SIPA1L3: variants seen among roughly 807,000 people sequenced by gnomAD.
SIPA1L3 encodes signal-induced proliferation-associated 1-like protein 3.
SIPA1L3 carries 59 observed loss-of-function variants against 150.1 expected under a neutral mutation model. That is an observed-to-expected ratio of 0.39 (90% confidence interval 0.32 to 0.49). The LOEUF is 0.49. Ranked by LOEUF, SIPA1L3 falls within the 20% of genes least tolerant of loss-of-function variation. The pLI is 0.86. For missense variants in SIPA1L3, 2,211 were observed against 2,489.5 expected (o/e 0.89, Z 2.38); for synonymous variants, 1,070 against 1,077.6 (o/e 0.99, Z 0.14).
Position 37,986,535 on chromosome 19 carries a change from CTG to C in SIPA1L3, c.-378-42553_-378-42552del, listed in dbSNP as rs528073166. 1.7e-3 allele frequency among the ~76,000 whole-genome samples: 257 copies of C among 152,320 alleles called. 1 individual carries two copies. Among genetic ancestry groups the C allele is most frequent in the African/African-American group, 6.0e-3 (250 of 41,570 alleles). On this transcript the variant is annotated intron_variant, in intron 1 of 21. Transcript: ENST00000222345. The stretch of plus-strand genomic sequence containing the variant: ...AAGCAGGTTATTTGATGCCAGGAAG[CTG>C]AGAATTGTCAGGATGTTTGTCGCCA...
intron 9 of SIPA1L3, among the ~76,000 whole-genome samples, chr19:38,130,187 A>G (rs2145917678): frequency 6.6e-6 from 1 of 152,296 alleles, no homozygotes; most frequent in African/African-American, 2.4e-5. Flanking sequence ...AAGGGAGCCA[A>G]GAAGTGCAAT....
intron 1 of SIPA1L3, among the ~76,000 whole-genome samples, chr19:38,011,106 G>A (rs1599900832): frequency 6.6e-6 from 1 of 152,188 alleles, no homozygotes; most frequent in Non-Finnish European, 1.5e-5. Context: ...GTCTTCAACA[G>A]TCTAGGTATC....
At chr19:38,063,193 T>A (rs999002642) in intron 2 of SIPA1L3, among the ~76,000 whole-genome samples, 3 of 152,002 alleles carry the variant, frequency 2.0e-5, no homozygotes, top group Non-Finnish European at 4.4e-5. Flanking sequence ...CAGCTGGGTT[T>A]CCCCTCCACC....
intron 1 of SIPA1L3, among the ~76,000 whole-genome samples, chr19:37,963,173 C>T (rs1466418585): frequency 6.6e-6 from 1 of 151,980 alleles, no homozygotes; most frequent in East Asian, 1.9e-4. Context: ...CAAGCAGTTC[C>T]TGAGTCGGCC....
chr19:37,959,936 A>G (rs1281990088), intron 1 of SIPA1L3, among the ~76,000 whole-genome samples: 2 of 151,422 alleles, frequency 1.3e-5, no homozygotes, highest in African/African-American at 4.9e-5. Context: ...TTTTGCTCTA[A>G]TATAGTTTCA....
intron 1 of SIPA1L3, among the ~76,000 whole-genome samples, chr19:37,976,910 C>T (rs1237248138): frequency 6.6e-6 from 1 of 152,224 alleles, no homozygotes; most frequent in African/African-American, 2.4e-5. Context: ...ACACAGCTCA[C>T]TGCAGCCTCA....
At chr19:38,145,567 G>T (rs1236529938) in intron 12 of SIPA1L3, among the ~76,000 whole-genome samples, 1 of 151,576 alleles carries the variant, frequency 6.6e-6, no homozygotes, top group Non-Finnish European at 1.5e-5. Flanking sequence ...ATACAGGGAG[G>T]TCTTGTGAAC....
At chr19:38,177,247 G>C (rs1051713281) in intron 15 of SIPA1L3, among the ~76,000 whole-genome samples, 4 of 150,842 alleles carry the variant, frequency 2.7e-5, no homozygotes, top group Non-Finnish European at 5.9e-5. Flanking sequence ...TGTAGTCCCA[G>C]CTACTCAGGA....
chr19:38,174,292 C>T (rs1335334485), intron 15 of SIPA1L3, among the ~76,000 whole-genome samples: 1 of 152,210 alleles, frequency 6.6e-6, no homozygotes, highest in Non-Finnish European at 1.5e-5. Context: ...GGCTCCTACA[C>T]TGGAGCACAA....
intron 14 of SIPA1L3, among the ~76,000 whole-genome samples, chr19:38,162,857 C>T (rs899716258): frequency 6.6e-6 from 1 of 152,182 alleles, no homozygotes; most frequent in Admixed American, 6.6e-5. Flanking sequence ...GAAAAGATCA[C>T]ATGGGAGGTG....
chr19:37,911,831 A>G (rs2046380119), intron 1 of SIPA1L3, among the ~76,000 whole-genome samples: 2 of 151,754 alleles, frequency 1.3e-5, no homozygotes, highest in Non-Finnish European at 2.9e-5. Flanking sequence ...GCAAACACAC[A>G]TCTAATAAGT....
chr19:38,090,323 T>TC (rs1387602259), intron 4 of SIPA1L3, among the ~76,000 whole-genome samples: 3 of 105,170 alleles, frequency 2.9e-5, no homozygotes, highest in Non-Finnish European at 5.6e-5. Flanking sequence ...AATGCAAAAC[T>TC]CCATCTCAAA....
intron 4 of SIPA1L3, among the ~76,000 whole-genome samples, chr19:38,098,392 A>ATTTT (rs71179411): frequency 6.2e-5 from 7 of 113,720 alleles, no homozygotes; most frequent in African/African-American, 1.7e-4. Flanking sequence ...AGGGGCTTTC[A>ATTTT]TTTTTTTTTT....
chr19:38,001,832 AT>A lies in SIPA1L3; in HGVS notation c.-378-27249del, dbSNP rs201365557. Reference sequence around the variant, plus strand: ...TATTGTGGCACAATATACATAACAAATTTTTTTTATATTTTATAATTAGCTT... The same window carrying A: ...TATTGTGGCACAATATACATAACAAATTTTTTTATATTTTATAATTAGCTT... On this transcript the variant is annotated intron_variant, in intron 1 of 21. Transcript: ENST00000222345. Among the ~76,000 whole-genome samples the A allele has an allele frequency of 3.7e-3, 559 of 151,970 alleles. 2 individuals carry two copies. Among genetic ancestry groups the A allele is most frequent in the East Asian group, 0.012 (61 of 5,188 alleles).
chr19:38,158,922 C>T (rs1341150395), intron 13 of SIPA1L3, among the ~76,000 whole-genome samples: 1 of 152,186 alleles, frequency 6.6e-6, no homozygotes, highest in Non-Finnish European at 1.5e-5. Flanking sequence ...AAGTCAGGGG[C>T]AGAGGTCAGC....
rs1156311991 is a variant in SIPA1L3, at chr19:38,001,385, T to C, written c.-378-27704T>C. Among the ~76,000 whole-genome samples, 7 of 152,314 alleles carry C rather than the reference T, an allele frequency of 4.6e-5. No individual in the cohort carries two copies. The South Asian group carries it at 1.0e-3, about 23-fold the overall frequency. Reference sequence around the variant, plus strand: ...TGAGATGAAAGAACTCTAATTCTTTTGTGGTTCTTCTGATCTTGCAAAAGA... The same window carrying C: ...TGAGATGAAAGAACTCTAATTCTTTCGTGGTTCTTCTGATCTTGCAAAAGA... On this transcript the variant is annotated intron_variant, in intron 1 of 21. Transcript: ENST00000222345.
chr19:38,141,382 G>C lies in SIPA1L3; in HGVS notation c.3342G>C (p.Leu1114=). 6.2e-7 allele frequency: 1 copy of C among 1,613,528 alleles called. No homozygotes were observed. Among genetic ancestry groups the C allele is most frequent in the African/African-American group, 1.3e-5 (1 of 75,020 alleles). The stretch of plus-strand genomic sequence containing the variant: ...ATGCCCAGTCCCTGAGCCGGCCCCT[G>C]AAGCAGACCCCCATAGTCCCCTTCC... ...PGHAQSLSRP[L]KQTPIVPFRE... Residue 1114 remains leucine, a synonymous_variant, in exon 11 of 22, where the codon CTG becomes CTC. Coordinates refer to ENST00000222345, the MANE Select transcript of SIPA1L3 (RefSeq NM_015073.3).
chr19:38,058,285 A>T (rs1041233056), intron 2 of SIPA1L3, among the ~76,000 whole-genome samples: 3 of 152,166 alleles, frequency 2.0e-5, no homozygotes, highest in African/African-American at 7.2e-5. Flanking sequence ...GAGGGTCATA[A>T]CTAGAGCCTT....
chr19:38,124,381 C>T (rs1438735490), intron 9 of SIPA1L3, among the ~76,000 whole-genome samples: 1 of 147,352 alleles, frequency 6.8e-6, no homozygotes. Flanking sequence ...GGGGCAGAGG[C>T]GCTCCCCACA....
Sources: allele counts gnomAD v4.1 joint callset (sites outside exome capture counted in the v4.1 genomes callset), GRCh38; gene constraint gnomAD v4.1.1; transcripts MANE v1.5; gene names NCBI Gene and HGNC (gene_info 2026-07-23, HGNC 2026-07-21).